Variants in RFTN1 observed in about 807,000 individuals in gnomAD.
The protein encoded by RFTN1 is raftlin.
Under a neutral mutation model 46.5 loss-of-function variants are expected in RFTN1, and 26 were observed. The observed-to-expected ratio is 0.56, with a 90% CI of 0.41 to 0.78. The LOEUF is 0.78. RFTN1 is among the 30% of genes least tolerant of loss of function. RFTN1 has a pLI of 0.00. For missense variants in RFTN1, 693 were observed against 718.7 expected, an observed-to-expected ratio of 0.96 and a Z score of 0.41; for synonymous variants, 261 against 284.2, an observed-to-expected ratio of 0.92 and a Z score of 0.82.
chr3:16,480,066 G>T lies in RFTN1; in HGVS notation c.145+13659C>A, dbSNP rs1417257997. On this transcript the variant is annotated intron_variant, in intron 2 of 9. Coordinates refer to ENST00000334133, the MANE Select transcript of RFTN1 (RefSeq NM_015150.2). The surrounding 1 kb of genome is among the most constrained non-coding windows in gnomAD (Gnocchi z 4.3). ...AGACCTTACTATCTTGTTCACCATT[G>T]CATGCTCAATACAGAGCCTGAAAAA... 1.3e-5 allele frequency among the ~76,000 whole-genome samples: 2 copies of T among 152,196 alleles called. No individual in the cohort carries two copies. The highest frequency in any genetic ancestry group is 4.8e-5 in the African/African-American group (2 of 41,444).
At chr3:16,455,853 C>A (rs1018653239) in intron 2 of RFTN1, among the ~76,000 whole-genome samples, 6 of 152,194 alleles carry the variant, frequency 3.9e-5, no homozygotes, top group African/African-American at 1.4e-4. Flanking sequence ...AAACATCAGA[C>A]AATCTGTGAG....
intron 2 of RFTN1, among the ~76,000 whole-genome samples, chr3:16,445,483 T>TCA (rs10681518): frequency 0.047 from 5,977 of 126,752 alleles, 207 homozygotes; most frequent in South Asian, 0.14. Context: ...TCTCTCTCTC[T>TCA]CACACACACA....
chr3:16,357,520 T>C (rs2072531796), intron 7 of RFTN1, among the ~76,000 whole-genome samples: 1 of 152,206 alleles, frequency 6.6e-6, no homozygotes, highest in African/African-American at 2.4e-5. Flanking sequence ...GCAGATTAAG[T>C]GAGCTCATGT....
In RFTN1 at chr3:16,381,250, A is replaced by G. The variant is rs967131433; in HGVS notation, c.442-3148T>C. Among the ~76,000 whole-genome samples, 4 of 152,252 alleles carry G rather than the reference A, an allele frequency of 2.6e-5. No homozygotes were observed. The highest frequency in any genetic ancestry group is 2.1e-4 in the South Asian group (1 of 4,832). ...AGCACTGTATTTGGGGAGTGGGGCT[A>G]TAAGTGATTTTTTTCTATTACTGTG... On this transcript the variant is annotated intron_variant, in intron 4 of 9. Transcript: ENST00000334133. This position sits in a 1 kb window ranked among gnomAD's most constrained non-coding sequence, Gnocchi z 4.2.
At chr3:16,431,158 A>G (rs969593988) in intron 3 of RFTN1, among the ~76,000 whole-genome samples, 1 of 152,216 alleles carries the variant, frequency 6.6e-6, no homozygotes, top group Non-Finnish European at 1.5e-5. Context: ...ACTGCTTACT[A>G]GTAGCCAAGT....
chr3:16,417,671 A>AG (rs1237365119), intron 3 of RFTN1, among the ~76,000 whole-genome samples: 3 of 152,116 alleles, frequency 2.0e-5, no homozygotes, highest in Non-Finnish European at 2.9e-5. Flanking sequence ...AGGCAGGGGA[A>AG]GGGTCAGATG....
intron 7 of RFTN1, among the ~76,000 whole-genome samples, chr3:16,340,423 CTA>C (rs1480949236): frequency 6.6e-6 from 1 of 152,204 alleles, no homozygotes; most frequent in African/African-American, 2.4e-5. Context: ...TGAGGCCACT[CTA>C]GATCATTCAG....
chr3:16,342,349 C>G lies in RFTN1; in HGVS notation c.1147-15473G>C, dbSNP rs1308697854. The stretch of plus-strand genomic sequence containing the variant: ...CTTTAGCATATGTTCAAGGTTCATA[C>G]ATGTAGCATATATCAGTAGTTTATT... On this transcript the variant is annotated intron_variant, in intron 7 of 9. Coordinates refer to ENST00000334133, the MANE Select transcript of RFTN1 (RefSeq NM_015150.2). This position sits in a 1 kb window ranked among gnomAD's most constrained non-coding sequence, Gnocchi z 4.0. Among the ~76,000 whole-genome samples the G allele has an allele frequency of 1.3e-5, 2 of 152,190 alleles. No individual in the cohort carries two copies. Among genetic ancestry groups the G allele is most frequent in the East Asian group, 1.9e-4 (1 of 5,200 alleles).
In RFTN1 at chr3:16,492,227, C is replaced by G. The variant is rs181971058; in HGVS notation, c.145+1498G>C. 5.9e-5 allele frequency among the ~76,000 whole-genome samples: 9 copies of G among 152,294 alleles called. No individual in the cohort carries two copies. The East Asian group carries it at 1.7e-3, about 29-fold the overall frequency. ...TTGTTGAGGGGGATGCACAGAATGT[C>G]CCTGCAGAGACACTCAGCTGTCCTT... is the stretch of plus-strand genomic sequence containing the variant. On this transcript the variant is annotated intron_variant, in intron 2 of 9. Transcript: ENST00000334133.
intron 5 of RFTN1, among the ~76,000 whole-genome samples, chr3:16,375,432 T>A (rs550987111): frequency 2.2e-4 from 33 of 152,006 alleles, no homozygotes; most frequent in African/African-American, 7.0e-4. Context: ...AGTAATAGCA[T>A]CTTCTGCCAT....
chr3:16,434,393 C>CAAACAA (rs1553595785), intron 2 of RFTN1, among the ~76,000 whole-genome samples: 58 of 113,332 alleles, frequency 5.1e-4, no homozygotes, highest in Admixed American at 1.1e-3. Flanking sequence ...AACAAACAAA[C>CAAACAA]AAAAACAAAA....
intron 7 of RFTN1, among the ~76,000 whole-genome samples, chr3:16,330,374 C>A (rs1208718186): frequency 1.3e-5 from 2 of 152,182 alleles, no homozygotes; most frequent in Non-Finnish European, 2.9e-5. Flanking sequence ...GATGGCATTT[C>A]TAAAATACAA....
chr3:16,352,694 G>T lies in RFTN1; in HGVS notation c.1146+5238C>A, dbSNP rs983448270. 2.0e-5 allele frequency among the ~76,000 whole-genome samples: 3 copies of T among 152,216 alleles called. No homozygotes were observed. Among genetic ancestry groups the T allele is most frequent in the Non-Finnish European group, 2.9e-5 (2 of 68,040 alleles). On this transcript the variant is annotated intron_variant, in intron 7 of 9. Transcript: ENST00000334133. This position sits in a 1 kb window ranked among gnomAD's most constrained non-coding sequence, Gnocchi z 4.6. ...TGACTGACACAGAAAGCAGTATGTAGTGAGGGCTTACTATGTGCCCAGTCC... is the reference window on the plus strand; with the variant it reads ...TGACTGACACAGAAAGCAGTATGTATTGAGGGCTTACTATGTGCCCAGTCC...
At chr3:16,492,050 G>A (rs1399805328) in intron 2 of RFTN1, among the ~76,000 whole-genome samples, 1 of 152,168 alleles carries the variant, frequency 6.6e-6, no homozygotes, top group Non-Finnish European at 1.5e-5. Context: ...GTTTTAATAG[G>A]CTTGAGTGAA....
chr3:16,328,574 G>A (rs560710982), intron 7 of RFTN1, among the ~76,000 whole-genome samples: 23 of 152,276 alleles, frequency 1.5e-4, no homozygotes, highest in Middle Eastern at 3.4e-3. Flanking sequence ...CCTTTCCTCC[G>A]CTGTATAAAA....
chr3:16,445,183 A>G (rs911458245), intron 2 of RFTN1, among the ~76,000 whole-genome samples: 6 of 152,242 alleles, frequency 3.9e-5, no homozygotes, highest in Non-Finnish European at 7.3e-5. Context: ...TAGAGAAAAC[A>G]TATAAGAAAA....
At chr3:16,390,401 A>T (rs1023822040) in intron 4 of RFTN1, among the ~76,000 whole-genome samples, 1 of 152,228 alleles carries the variant, frequency 6.6e-6, no homozygotes, top group South Asian at 2.1e-4. Context: ...TTTAATAAAG[A>T]GGTAAGAGCA....
Position 16,337,312 on chromosome 3 carries a change from G to C in RFTN1, c.1147-10436C>G, listed in dbSNP as rs2070949300. 1 of 152,176 alleles carries C rather than the reference G, an allele frequency of 6.6e-6. No homozygotes were observed. Among genetic ancestry groups the C allele is most frequent in the South Asian group, 2.1e-4 (1 of 4,834 alleles). The allele number at this position is 152,176 out of a possible 1,614,324, so 9.4% of individuals were successfully genotyped here. ...AAAATCACCCAGCTGACCTGTTTGG[G>C]TTATGATTTTAACTCACTAAGCTTT... On this transcript the variant is annotated intron_variant, in intron 7 of 9. Transcript: ENST00000334133. The surrounding 1 kb of genome is among the most constrained non-coding windows in gnomAD (Gnocchi z 5.0).
chr3:16,434,139 C>T, intron 2 of RFTN1, 102 bp from the exon 3 acceptor site: 1 of 978,738 alleles, frequency 1.0e-6, no homozygotes, highest in East Asian at 2.6e-5. Flanking sequence ...TCCTCTAGGT[C>T]ACTGCTAAAA....
Sources: gnomAD v4.1 joint callset for allele counts (sites outside exome capture counted in the v4.1 genomes callset) on GRCh38, gnomAD v4.1.1 for gene constraint, Gnocchi (gnomAD v3.1) non-coding constraint, MANE v1.5 for transcripts, NCBI Gene and HGNC (gene_info 2026-07-23, HGNC 2026-07-21) for gene names.